Variants in RALGAPA2 observed in about 807,000 individuals in gnomAD.
The protein encoded by RALGAPA2 is Ral GTPase activating protein catalytic subunit alpha 2, also known as ral GTPase-activating protein subunit alpha-2.
In RALGAPA2, 139 loss-of-function variants were observed where a neutral mutation model predicts 230.4. The observed-to-expected ratio is 0.60, with a 90% CI of 0.53 to 0.69. The LOEUF (loss-of-function observed/expected upper bound fraction) is 0.69. RALGAPA2 is among the 30% of genes least tolerant of loss of function. RALGAPA2 has a pLI of 0.00. For missense variants in RALGAPA2, 2,163 were observed against 2,276.0 expected, an observed-to-expected ratio of 0.95 and a Z score of 1.01; for synonymous variants, 847 against 837.8, an observed-to-expected ratio of 1.01 and a Z score of -0.19.
intron 27 of RALGAPA2, among the ~76,000 whole-genome samples, chr20:20,529,517 ATTTGG>A (rs1278123464): frequency 2.0e-5 from 3 of 152,222 alleles, no homozygotes; most frequent in African/African-American, 4.8e-5. Context: ...TTTTGGAAAC[ATTTGG>A]TAAGCACCAC....
intron 37 of RALGAPA2, among the ~76,000 whole-genome samples, chr20:20,469,350 G>A (rs1386048102): frequency 1.3e-5 from 2 of 152,218 alleles, no homozygotes; most frequent in African/African-American, 2.4e-5. Context: ...TTTTGAAGAT[G>A]TGAAAATTCG....
In RALGAPA2 at chr20:20,635,567, T is replaced by G. The variant is rs371353625; in HGVS notation, c.856A>C (p.Asn286His). Residue 286 changes from asparagine to histidine, a missense_variant, in exon 9 of 40, where the codon AAT (asparagine) becomes CAT (histidine). Transcript: ENST00000202677. The part of the protein sequence containing the change: ...KPVYITTTRD[N>H]ENIYSTKIPY... ...ATCTTTGTACTGTAAATGTTCTCAT[T>G]GTCTCGAGTGGTAGTAATGTACACA... 4 of 1,585,042 alleles carry G rather than the reference T, an allele frequency of 2.5e-6. No homozygotes were observed. In the African/African-American group the frequency reaches 5.5e-5, roughly 22 times the overall value.
chr20:20,598,747 A>G (rs771212367), intron 16 of RALGAPA2: 1 of 456,400 alleles, frequency 2.2e-6, no homozygotes, highest in Non-Finnish European at 4.4e-6. Flanking sequence ...GTGAAGGAGG[A>G]GCGGGACGCT....
Position 20,636,766 on chromosome 20 carries a change from G to A in RALGAPA2, c.805+597C>T, listed in dbSNP as rs147421938. Among the ~76,000 whole-genome samples the A allele has an allele frequency of 2.3e-3, 354 of 152,240 alleles. 1 individual carries two copies. The Middle Eastern group carries it at 0.034, about 15-fold the overall frequency. On this transcript the variant is annotated intron_variant, in intron 8 of 39. Transcript: ENST00000202677. ...TTGACCCCCACCTTTACCACTCTAA[G>A]GGATGCTTCTGTCCTGTGAGTCCTC...
At chr20:20,452,559 C>T (rs577066567) in intron 37 of RALGAPA2, among the ~76,000 whole-genome samples, 17 of 152,310 alleles carry the variant, frequency 1.1e-4, no homozygotes, top group Admixed American at 5.2e-4. Flanking sequence ...TGAACACATC[C>T]GACATTGTAC....
intron 24 of RALGAPA2, among the ~76,000 whole-genome samples, chr20:20,544,144 G>A (rs1052543904): frequency 9.9e-5 from 15 of 151,740 alleles, no homozygotes; most frequent in Admixed American, 4.6e-4. Context: ...ACAATAGGCC[G>A]GGCACGGTGG....
rs6046942 is a variant in RALGAPA2, at chr20:20,577,154, A to G, written c.2708-4086T>C. Among the ~76,000 whole-genome samples, 629 of 152,232 alleles carry G rather than the reference A, an allele frequency of 4.1e-3. 10 individuals are homozygous for G. The highest frequency in any genetic ancestry group is 0.014 in the African/African-American group (588 of 41,542). On this transcript the variant is annotated intron_variant, in intron 20 of 39. Coordinates refer to ENST00000202677, the MANE Select transcript of RALGAPA2 (RefSeq NM_020343.4). ...CCCCACTGAGTGTCATCTCGAGTGT[A>G]TATGTTGTTGGCATTTTTAAGGCCT...
chr20:20,565,745 A>T (rs563033224), intron 23 of RALGAPA2, among the ~76,000 whole-genome samples: 2 of 152,366 alleles, frequency 1.3e-5, no homozygotes, highest in African/African-American at 4.8e-5. Flanking sequence ...ATAAGTGGCT[A>T]AAATTTTAAA....
intron 37 of RALGAPA2, among the ~76,000 whole-genome samples, chr20:20,436,279 C>A (rs1305415950): frequency 6.6e-6 from 1 of 152,170 alleles, no homozygotes; most frequent in Non-Finnish European, 1.5e-5. Context: ...TACTGAAATC[C>A]TTAGTACTTC....
intron 39 of RALGAPA2, among the ~76,000 whole-genome samples, chr20:20,396,213 T>C (rs1025803698): frequency 6.6e-6 from 1 of 151,848 alleles, no homozygotes. Flanking sequence ...CGCTTTTCCT[T>C]CCCCAGCTGT....
intron 37 of RALGAPA2, among the ~76,000 whole-genome samples, chr20:20,461,082 A>G (rs2061290834): frequency 6.6e-6 from 1 of 152,240 alleles, no homozygotes; most frequent in Admixed American, 6.5e-5. Flanking sequence ...ACAAAATTAT[A>G]GAGCATAAGT....
At chr20:20,700,923 A>T (rs571617313) in intron 1 of RALGAPA2, among the ~76,000 whole-genome samples, 1 of 152,348 alleles carries the variant, frequency 6.6e-6, no homozygotes, top group South Asian at 2.1e-4. Context: ...GAATTGTTTA[A>T]GCCATGACGG....
chr20:20,615,996 AC>A (rs778049111), intron 13 of RALGAPA2, 46 bp downstream of exon 13: 2 of 1,307,718 alleles, frequency 1.5e-6, no homozygotes, highest in South Asian at 3.6e-5. Context: ...ATGTTGAAAA[AC>A]AGAAACATCT....
intron 35 of RALGAPA2, among the ~76,000 whole-genome samples, chr20:20,497,669 A>G (rs1236974080): frequency 6.6e-6 from 1 of 152,202 alleles, no homozygotes; most frequent in Non-Finnish European, 1.5e-5. Context: ...TCCCATTTCA[A>G]ATTGGGTTAC....
intron 36 of RALGAPA2, among the ~76,000 whole-genome samples, chr20:20,481,487 G>T (rs1222997472): frequency 6.6e-6 from 1 of 152,152 alleles, no homozygotes; most frequent in South Asian, 2.1e-4. Context: ...ACCCAGTTTG[G>T]TCAGTTATTC....
Position 20,412,147 on chromosome 20 carries a change from A to T in RALGAPA2, c.5497T>A (p.Tyr1833Asn). 2 of 1,613,920 alleles carry T rather than the reference A, an allele frequency of 1.2e-6. No individual in the cohort carries two copies. The highest frequency in any genetic ancestry group is 1.7e-6 in the Non-Finnish European group (2 of 1,179,816). Residue 1833 changes from tyrosine to asparagine, a missense_variant and splice_region_variant, in exon 38 of 40, where the codon TAT (tyrosine) becomes AAT (asparagine). Tyr to Asn is a moderately radical substitution (Grantham distance 143, BLOSUM62 -2). Transcript: ENST00000202677. ...TCGAGATACAGAGCTCGCTCTTCAT[A>T]GCTGCGGTAATCGGTTAAGGAAACA... ...KCLIPLYQSF[Y>N]EERALYLEAI...
At chr20:20,631,050 C>T (rs771489369) in intron 9 of RALGAPA2, among the ~76,000 whole-genome samples, 6 of 152,166 alleles carry the variant, frequency 3.9e-5, no homozygotes, top group Non-Finnish European at 7.3e-5. Flanking sequence ...CTGCTTTAGC[C>T]AGTAGAATAG....
At chr20:20,459,864 T>A (rs1460206469) in intron 37 of RALGAPA2, among the ~76,000 whole-genome samples, 1 of 152,224 alleles carries the variant, frequency 6.6e-6, no homozygotes, top group Non-Finnish European at 1.5e-5. Context: ...CGAGCTCCCA[T>A]GACCCACTGA....
At chr20:20,607,490 T>C (rs1362971392) in intron 14 of RALGAPA2, among the ~76,000 whole-genome samples, 1 of 152,186 alleles carries the variant, frequency 6.6e-6, no homozygotes, top group Non-Finnish European at 1.5e-5. Flanking sequence ...CTTTATTAAA[T>C]ATTTTATTAT....
Sources: allele counts gnomAD v4.1 joint callset (sites outside exome capture counted in the v4.1 genomes callset), GRCh38; gene constraint gnomAD v4.1.1; transcripts MANE v1.5; gene names NCBI Gene and HGNC (gene_info 2026-07-23, HGNC 2026-07-21).